The following SORCS3 variants were observed in gnomAD, a reference collection of about 807,000 sequenced individuals.
SORCS3 encodes the protein VPS10 domain-containing receptor SorCS3.
A neutral mutation model predicts 146.3 loss-of-function variants in SORCS3; 57 were observed. The ratio of observed to expected loss-of-function variants is 0.39; its 90% CI spans 0.31 to 0.49. The LOEUF (loss-of-function observed/expected upper bound fraction) is 0.49. Among genes scored for constraint, SORCS3 ranks in the 20% least tolerant of loss-of-function variants. SORCS3 has a pLI of 0.92. For synonymous variants in SORCS3, 653 were observed against 618.5 expected (o/e 1.06, Z -0.83); for missense variants, 1,341 against 1,575.5 (o/e 0.85, Z 2.52).
At chr10:104,856,181 G>A (rs1291675771) in intron 2 of SORCS3, among the ~76,000 whole-genome samples, 1 of 152,140 alleles carries the variant, frequency 6.6e-6, no homozygotes, top group South Asian at 2.1e-4. Context: ...CATTTAATGA[G>A]ACCTACTGTG....
At chr10:105,057,145 T>C (rs2133715085) in intron 5 of SORCS3, among the ~76,000 whole-genome samples, 1 of 152,304 alleles carries the variant, frequency 6.6e-6, no homozygotes, top group East Asian at 1.9e-4. Context: ...TTATGGGTAG[T>C]CTGATGCATT....
chr10:105,031,215 C>T (rs1284899185), intron 4 of SORCS3, among the ~76,000 whole-genome samples: 2 of 151,902 alleles, frequency 1.3e-5, no homozygotes, highest in Non-Finnish European at 2.9e-5. Flanking sequence ...AGGAGAATTG[C>T]TTGAACCCAG....
rs76032970 is a variant in SORCS3, at chr10:104,889,454, ATT to A, written c.696-26364_696-26363del. Reference sequence around the variant, plus strand: ...TCCATTTTCCCTCCTTTTGGATGGTATTTTTTTTTTTTTTTTGCTATCCCATT... The same window carrying A: ...TCCATTTTCCCTCCTTTTGGATGGTATTTTTTTTTTTTTTGCTATCCCATT... On this transcript the variant is annotated intron_variant, in intron 2 of 26. Transcript: ENST00000369701. 2.9e-3 allele frequency among the ~76,000 whole-genome samples: 337 copies of A among 116,948 alleles called. 1 individual carries two copies. Among genetic ancestry groups the A allele is most frequent in the Middle Eastern group, 9.2e-3 (2 of 218 alleles). The allele number at this position is 116,948 out of a possible 152,430, so 76.7% of individuals were successfully genotyped here.
At chr10:104,715,047 A>G (rs1457938515) in intron 1 of SORCS3, among the ~76,000 whole-genome samples, 2 of 152,170 alleles carry the variant, frequency 1.3e-5, no homozygotes, top group Non-Finnish European at 2.9e-5. Flanking sequence ...CTCCATACCA[A>G]TTATTTTGTG....
chr10:104,812,149 C>A (rs1368551956), intron 1 of SORCS3, among the ~76,000 whole-genome samples: 1 of 152,202 alleles, frequency 6.6e-6, no homozygotes, highest in Non-Finnish European at 1.5e-5. Context: ...CTCTCCTGTT[C>A]AGTGGTAGCG....
rs17118161 is a variant in SORCS3 at position 105,034,653 on chromosome 10, G to A, written c.955-8402G>A. ...TCCAGAGAGGAGGATACTGACTTGGGAAACAGAAGGTTTGATCATCCAAAG... is the reference window on the plus strand; with the variant it reads ...TCCAGAGAGGAGGATACTGACTTGGAAAACAGAAGGTTTGATCATCCAAAG... On this transcript the variant is annotated intron_variant, in intron 4 of 26. Coordinates refer to ENST00000369701, the MANE Select transcript of SORCS3 (RefSeq NM_014978.3). Among the ~76,000 whole-genome samples, 1,017 of 152,266 alleles carry A rather than the reference G, an allele frequency of 6.7e-3. 100 individuals are homozygous for A. The East Asian group carries it at 0.18, about 27-fold the overall frequency.
At chr10:105,123,228 A>T (rs2055947937) in intron 7 of SORCS3, among the ~76,000 whole-genome samples, 1 of 152,252 alleles carries the variant, frequency 6.6e-6, no homozygotes, top group Non-Finnish European at 1.5e-5. Flanking sequence ...TCTTTGCAGA[A>T]CTTAGAACAG....
At chr10:104,701,438 T>C (rs982388372) in intron 1 of SORCS3, among the ~76,000 whole-genome samples, 7 of 152,188 alleles carry the variant, frequency 4.6e-5, no homozygotes, top group African/African-American at 1.7e-4. Flanking sequence ...CTTTTCTGAT[T>C]CTAGTATGTT....
intron 2 of SORCS3, among the ~76,000 whole-genome samples, chr10:104,869,004 A>C (rs1050656571): frequency 6.6e-6 from 1 of 152,096 alleles, no homozygotes; most frequent in African/African-American, 2.4e-5. Flanking sequence ...TTTAAAACTA[A>C]TCAGATTAGA....
At chr10:105,092,031 A>C (rs1409359143) in intron 6 of SORCS3, among the ~76,000 whole-genome samples, 1 of 152,208 alleles carries the variant, frequency 6.6e-6, no homozygotes, top group East Asian at 1.9e-4. Context: ...CTAACAGTAC[A>C]TTCTCAGGCT....
intron 1 of SORCS3, among the ~76,000 whole-genome samples, chr10:104,696,306 G>GATACATATATACACATATA (rs1564661107): frequency 1.9e-4 from 1 of 5,136 alleles, no homozygotes; most frequent in Non-Finnish European, 5.9e-4. Context: ...ATACACATAT[G>GATACATATATACACATATA]ATATATGATA....
intron 1 of SORCS3, among the ~76,000 whole-genome samples, chr10:104,655,437 T>C (rs2015616366): frequency 6.6e-6 from 1 of 152,184 alleles, no homozygotes; most frequent in African/African-American, 2.4e-5. Flanking sequence ...CAGCATTGTC[T>C]GTTGTTCCTT....
At position 105,262,435 on chromosome 10, in the gene SORCS3, G is replaced by T. The variant is rs2056967041; in HGVS notation, c.3548G>T (p.Ser1183Ile). The T allele has an allele frequency of 1.9e-6, 3 of 1,613,960 alleles. No homozygotes were observed. The highest frequency in any genetic ancestry group is 1.1e-5 in the South Asian group (1 of 91,086). ...QSENAPKITL[S>I]DFTEPEELLD... is the part of the protein sequence containing the mutation. ...GAAAACGCCCCCAAAATCACACTCA[G>T]TGACTTTACGGAGCCTGAGGAGCTG... The change falls in exon 26 of 27, where the codon AGT (serine) becomes ATT (isoleucine). Residue 1183 changes from serine (S) to isoleucine (I), a missense_variant. Transcript: ENST00000369701.
chr10:105,036,399 C>A (rs146937947), intron 4 of SORCS3, among the ~76,000 whole-genome samples: 4 of 152,116 alleles, frequency 2.6e-5, no homozygotes, highest in Non-Finnish European at 4.4e-5. Flanking sequence ...ATCAGGGAAC[C>A]TTGTGCTATT....
At chr10:105,250,743 A>T (rs573528080) in intron 22 of SORCS3, among the ~76,000 whole-genome samples, 1 of 152,292 alleles carries the variant, frequency 6.6e-6, no homozygotes, top group Non-Finnish European at 1.5e-5. Flanking sequence ...GCTACTAAGG[A>T]TCATGCTTTG....
At chr10:104,763,249 C>T (rs2017142461) in intron 1 of SORCS3, among the ~76,000 whole-genome samples, 1 of 152,206 alleles carries the variant, frequency 6.6e-6, no homozygotes, top group Non-Finnish European at 1.5e-5. Context: ...CCACTGTCTT[C>T]TATCTTCTGA....
At chr10:104,941,440 CCCTTGTTTGTGTGGTCT>C (rs2019319647) in intron 3 of SORCS3, among the ~76,000 whole-genome samples, 1 of 152,106 alleles carries the variant, frequency 6.6e-6, no homozygotes, top group Admixed American at 6.6e-5. Flanking sequence ...CTACACCTGG[CCCTTGTTTGTGTGGTCT>C]CTTCAGAGGA....
intron 1 of SORCS3, among the ~76,000 whole-genome samples, chr10:104,824,069 C>G (rs140321415): frequency 9.0e-4 from 137 of 152,304 alleles, no homozygotes; most frequent in Admixed American, 1.6e-3. Context: ...AGAGCCCCCA[C>G]AAGGAATGTA....
intron 7 of SORCS3, among the ~76,000 whole-genome samples, chr10:105,128,536 A>G (rs1291672190): frequency 6.6e-6 from 1 of 152,144 alleles, no homozygotes. Flanking sequence ...GAACATGTCA[A>G]TAAAATTAAT....
Sources: allele counts gnomAD v4.1 joint callset (sites outside exome capture counted in the v4.1 genomes callset), GRCh38; gene constraint gnomAD v4.1.1; transcripts MANE v1.5; gene names NCBI Gene and HGNC (gene_info 2026-07-23, HGNC 2026-07-21).